PACRG: variants seen among roughly 807,000 people sequenced by gnomAD.
PACRG encodes the protein parkin coregulated gene protein.
PACRG carries 29 observed loss-of-function variants against 29.7 expected under a neutral mutation model. The ratio of observed to expected loss-of-function variants is 0.98; its 90% CI spans 0.73 to 1.33. The LOEUF (loss-of-function observed/expected upper bound fraction) is 1.33, where lower values mean the gene tolerates loss of function less well. Ranked by LOEUF, PACRG falls within the 40% of genes most tolerant of loss-of-function variation. The pLI is 0.00. For missense variants in PACRG, 279 were observed against 316.2 expected (o/e 0.88, Z 0.89); for synonymous variants, 116 against 118.7 (o/e 0.98, Z 0.15).
intron 4 of PACRG, among the ~76,000 whole-genome samples, chr6:163,240,342 A>C (rs931082763): frequency 1.3e-5 from 2 of 152,162 alleles, no homozygotes; most frequent in Non-Finnish European, 2.9e-5. Context: ...TTTAAGAAAA[A>C]GCAGAAATTT....
At chr6:162,766,896 T>C (rs1441432784) in intron 1 of PACRG, among the ~76,000 whole-genome samples, 1 of 152,110 alleles carries the variant, frequency 6.6e-6, no homozygotes, top group African/African-American at 2.4e-5. Flanking sequence ...ATTCTCACAC[T>C]TTTTTTCTAT....
chr6:163,282,250 T>G (rs909945971), intron 4 of PACRG, among the ~76,000 whole-genome samples: 2 of 152,052 alleles, frequency 1.3e-5, no homozygotes, highest in African/African-American at 4.8e-5. Context: ...AAAAAGAAAT[T>G]TTCCCACCCC....
In PACRG at chr6:162,728,107, C is replaced by T; in HGVS notation, c.-129C>T. Reference sequence around the variant, plus strand: ...CCAAACATCTGGATCAACCTGGGCACTACGAGGGGTTGAATTTCTACCATT... The same window carrying T: ...CCAAACATCTGGATCAACCTGGGCATTACGAGGGGTTGAATTTCTACCATT... On this transcript the variant is annotated 5_prime_UTR_variant, in exon 1 of 5. Coordinates refer to ENST00000366888, the MANE Select transcript of PACRG (RefSeq NM_001080379.2). The T allele has an allele frequency of 8.7e-7, 1 of 1,148,230 alleles. No individual in the cohort carries two copies. 71.1% of individuals were successfully genotyped at this position (1,148,230 alleles called of 1,614,324 possible).
intron 4 of PACRG, among the ~76,000 whole-genome samples, chr6:163,220,071 G>T (rs952771223): frequency 6.6e-6 from 1 of 152,090 alleles, no homozygotes; most frequent in Non-Finnish European, 1.5e-5. Flanking sequence ...TAGCATGTGA[G>T]CCCCAGTCCA....
At chr6:163,136,695 C>G (rs1816948820) in intron 4 of PACRG, among the ~76,000 whole-genome samples, 1 of 152,280 alleles carries the variant, frequency 6.6e-6, no homozygotes, top group South Asian at 2.1e-4. Context: ...ATAACGGAAA[C>G]TGTTGTACTA....
At chr6:162,909,142 C>A (rs1218882215) in intron 2 of PACRG, among the ~76,000 whole-genome samples, 2 of 152,206 alleles carry the variant, frequency 1.3e-5, no homozygotes, top group Non-Finnish European at 2.9e-5. Context: ...AACAAATGAT[C>A]ATACTCTTTC....
intron 4 of PACRG, chr6:163,244,997 A>G (rs1585366456): frequency 2.2e-6 from 1 of 455,016 alleles, no homozygotes; most frequent in African/African-American, 2.0e-5. Flanking sequence ...GGAGGTCCAG[A>G]CTTGCTCCTT....
chr6:162,787,892 A>T (rs13204598), intron 1 of PACRG, among the ~76,000 whole-genome samples: 13,502 of 141,512 alleles, frequency 0.095, 906 homozygotes, highest in South Asian at 0.27. Flanking sequence ...GATTTTTTAA[A>T]TTAATAGACT....
intron 2 of PACRG, among the ~76,000 whole-genome samples, chr6:162,922,278 G>T (rs1797121278): frequency 6.8e-6 from 1 of 147,724 alleles, no homozygotes; most frequent in Admixed American, 6.9e-5. Flanking sequence ...GCCTGTTTCT[G>T]GTGGTCCCTG....
At chr6:162,982,660 G>T (rs2128173608) in intron 2 of PACRG, among the ~76,000 whole-genome samples, 1 of 152,122 alleles carries the variant, frequency 6.6e-6, no homozygotes, top group Non-Finnish European at 1.5e-5. Context: ...ACTGTGGCCT[G>T]AGAGAGTACT....
In PACRG at chr6:163,078,428, G is replaced by A. The variant is rs557689354; in HGVS notation, c.464-10831G>A. On this transcript the variant is annotated intron_variant, in intron 3 of 4. Transcript: ENST00000366888. ...TGAGGCAGGAGAATCACTTGAACCC[G>A]GGAGACGGAGGTTGCAGTGAGCTGC... Among the ~76,000 whole-genome samples the A allele has an allele frequency of 5.1e-3, 770 of 151,860 alleles. 9 individuals carry two copies. Among genetic ancestry groups the A allele is most frequent in the African/African-American group, 0.017 (716 of 41,362 alleles).
chr6:162,735,250 A>G (rs1228639873), intron 1 of PACRG, among the ~76,000 whole-genome samples: 2 of 152,152 alleles, frequency 1.3e-5, no homozygotes, highest in Non-Finnish European at 2.9e-5. Context: ...GACCAAGGAC[A>G]TATTTCTGGG....
chr6:162,899,073 A>G (rs1343904702), intron 2 of PACRG, among the ~76,000 whole-genome samples: 3 of 152,332 alleles, frequency 2.0e-5, no homozygotes, highest in African/African-American at 7.2e-5. Flanking sequence ...ACAAAGAGCT[A>G]TCAAGGTTAT....
At chr6:162,958,948 C>T (rs2128141396) in intron 2 of PACRG, among the ~76,000 whole-genome samples, 1 of 141,094 alleles carries the variant, frequency 7.1e-6, no homozygotes, top group East Asian at 2.1e-4. Context: ...GATGAAATCT[C>T]ACTCCATCAC....
intron 1 of PACRG, among the ~76,000 whole-genome samples, chr6:162,732,121 A>G (rs568727877): frequency 9.2e-5 from 14 of 152,296 alleles, no homozygotes; most frequent in African/African-American, 3.4e-4. Flanking sequence ...CCAACTGGCC[A>G]GAACCTAGTA....
chr6:162,886,222 C>T (rs1031018267), intron 2 of PACRG, among the ~76,000 whole-genome samples: 12 of 152,156 alleles, frequency 7.9e-5, no homozygotes, highest in Non-Finnish European at 7.3e-5. Context: ...TGCCCCCGGG[C>T]TTGCAAGCTC....
intron 4 of PACRG, among the ~76,000 whole-genome samples, chr6:163,307,707 G>C (rs112408234): frequency 8.5e-5 from 13 of 152,194 alleles, no homozygotes; most frequent in Admixed American, 7.9e-4. Flanking sequence ...GGGGAGAAAA[G>C]TTGAGTCCCC....
At chr6:163,184,816 A>T (rs1292086754) in intron 4 of PACRG, 3 of 152,228 alleles carry the variant, frequency 2.0e-5, no homozygotes, top group Admixed American at 2.0e-4. Flanking sequence ...AAAGAGAGAG[A>T]AAGCTCACCA....
chr6:162,988,304 T>C (rs1180569010), intron 2 of PACRG, among the ~76,000 whole-genome samples: 1 of 152,108 alleles, frequency 6.6e-6, no homozygotes, highest in African/African-American at 2.4e-5. Context: ...GGAGCAGAGA[T>C]TTAACTGAAT....
Sources: allele counts gnomAD v4.1 joint callset (sites outside exome capture counted in the v4.1 genomes callset), GRCh38; gene constraint gnomAD v4.1.1; transcripts MANE v1.5; gene names NCBI Gene and HGNC (gene_info 2026-07-23, HGNC 2026-07-21).